SLC9B1: variants seen among roughly 807,000 people sequenced by gnomAD.
The protein encoded by SLC9B1 is solute carrier family 9 member B1.
Under a neutral mutation model 51.7 loss-of-function variants are expected in SLC9B1, and 32 were observed. That is an observed-to-expected ratio of 0.62 (90% CI 0.47 to 0.83). SLC9B1 has a LOEUF of 0.83. Among genes scored for constraint, SLC9B1 ranks in the 40% least tolerant of loss-of-function variants. SLC9B1 has a pLI of 0.00. For missense variants in SLC9B1, 406 were observed against 613.2 expected, an observed-to-expected ratio of 0.66 and a Z score of 3.57; for synonymous variants, 145 against 212.7, an observed-to-expected ratio of 0.68 and a Z score of 2.77.
At chr4:102,895,080 A>G (rs185948569) in intron 11 of SLC9B1, among the ~76,000 whole-genome samples, 2 of 152,266 alleles carry the variant, frequency 1.3e-5, no homozygotes, top group East Asian at 3.9e-4. Flanking sequence ...AATTGTTCCA[A>G]AAAAAAGACT....
At chr4:102,978,375 G>A (rs1006978707) in intron 3 of SLC9B1, among the ~76,000 whole-genome samples, 1 of 152,102 alleles carries the variant, frequency 6.6e-6, no homozygotes, top group African/African-American at 2.4e-5. Context: ...AGAGTGAACA[G>A]GCAACCTACA....
chr4:102,992,179 C>T (rs1739975782), intron 1 of SLC9B1, among the ~76,000 whole-genome samples: 2 of 151,992 alleles, frequency 1.3e-5, no homozygotes, highest in South Asian at 2.1e-4. Context: ...TTATGTGGCC[C>T]ATTTGAAGGA....
At chr4:102,980,141 T>G (rs1340958161) in intron 3 of SLC9B1, among the ~76,000 whole-genome samples, 1 of 152,164 alleles carries the variant, frequency 6.6e-6, no homozygotes, top group Non-Finnish European at 1.5e-5. Flanking sequence ...TTTTACACTG[T>G]TGGTGGGAAT....
intron 8 of SLC9B1, among the ~76,000 whole-genome samples, chr4:102,910,911 A>C (rs1385061037): frequency 6.6e-6 from 1 of 152,208 alleles, no homozygotes; most frequent in Non-Finnish European, 1.5e-5. Context: ...AATTCTTAAA[A>C]AATATTTGAA....
chr4:102,991,799 T>C, intron 1 of SLC9B1, 87 bp from the exon 2 acceptor site: 1 of 887,472 alleles, frequency 1.1e-6, no homozygotes, highest in Non-Finnish European at 1.6e-6. Flanking sequence ...GGATTAATTT[T>C]TTAAAGGATT....
chr4:102,941,705 C>G (rs1371103299), intron 6 of SLC9B1, among the ~76,000 whole-genome samples: 1 of 145,280 alleles, frequency 6.9e-6, no homozygotes, highest in Non-Finnish European at 1.5e-5. Context: ...CAGCATTATA[C>G]TGAATGGGGA....
At position 103,016,165 on chromosome 4, in the gene SLC9B1, G is replaced by A. The variant is rs575341837; in HGVS notation, c.-2+3434C>T. On this transcript the variant is annotated intron_variant, in intron 1 of 11. Coordinates refer to ENST00000296422, the MANE Select transcript of SLC9B1 (RefSeq NM_139173.4). ...AAAAAAAAAAAAAAGGAAAGTATAT[G>A]TTTATATGTTCATGTTCCTACCTAA... 4.0e-5 allele frequency among the ~76,000 whole-genome samples: 3 copies of A among 75,472 alleles called. No homozygotes were observed. The Admixed American group carries it at 4.1e-4, about 10-fold the overall frequency. 49.5% of individuals were successfully genotyped at this position (75,472 alleles called of 152,430 possible).
At chr4:102,993,882 C>T (rs1056091039) in intron 1 of SLC9B1, among the ~76,000 whole-genome samples, 1 of 152,222 alleles carries the variant, frequency 6.6e-6, no homozygotes, top group Admixed American at 6.5e-5. Flanking sequence ...CTGTACCTGG[C>T]CTCCTTTAGA....
At chr4:102,970,635 C>G (rs1416820859) in intron 3 of SLC9B1, among the ~76,000 whole-genome samples, 3 of 152,120 alleles carry the variant, frequency 2.0e-5, no homozygotes, top group Non-Finnish European at 4.4e-5. Flanking sequence ...TCACACATAA[C>G]AATATTAACC....
At chr4:102,898,353 A>C (rs1194994029), downstream of SLC9B1, 2 of 270,194 alleles carry the variant, frequency 7.4e-6, no homozygotes, top group Non-Finnish European at 1.4e-5. Flanking sequence ...TAAATTTAAA[A>C]AGGAAACTTT....
intron 3 of SLC9B1, among the ~76,000 whole-genome samples, chr4:102,979,810 C>G (rs1235364448): frequency 6.6e-6 from 1 of 152,034 alleles, no homozygotes; most frequent in Non-Finnish European, 1.5e-5. Flanking sequence ...TCTCTACAAC[C>G]TACAGAATGG....
intron 3 of SLC9B1, among the ~76,000 whole-genome samples, chr4:102,958,137 G>A (rs1193867462): frequency 3.3e-5 from 5 of 152,176 alleles, no homozygotes; most frequent in African/African-American, 1.2e-4. Context: ...AATCCCCAAT[G>A]TTGGAGATAG....
Position 102,906,505 on chromosome 4 carries a change from T to G in SLC9B1, c.1195+31A>C, listed in dbSNP as rs146491336. The stretch of plus-strand genomic sequence containing the variant: ...ATAATTTTCTTAAATATTTTTGAAT[T>G]TCATATTTTTTGTGCTCTAATTATT... On this transcript the variant is annotated intron_variant, in intron 10 of 11. Coordinates refer to ENST00000296422, the MANE Select transcript of SLC9B1 (RefSeq NM_139173.4). 9.1e-3 allele frequency: 10,002 copies of G among 1,102,216 alleles called. 491 individuals carry two copies. In the African/African-American group the frequency reaches 0.14, roughly 15 times the overall value. 68.3% of individuals were successfully genotyped at this position (1,102,216 alleles called of 1,614,324 possible).
At chr4:103,005,357 G>C (rs964745688) in intron 1 of SLC9B1, among the ~76,000 whole-genome samples, 1 of 150,982 alleles carries the variant, frequency 6.6e-6, no homozygotes, top group African/African-American at 2.4e-5. Flanking sequence ...AGATGACAAA[G>C]AAGGACATTA....
At chr4:102,917,296 T>C (rs867044405) in intron 7 of SLC9B1, among the ~76,000 whole-genome samples, 62 of 152,158 alleles carry the variant, frequency 4.1e-4, no homozygotes, top group African/African-American at 9.2e-4. Context: ...TTGGGAGCCA[T>C]GCTTTAGGCT....
chr4:103,012,105 AATTCC>A (rs1741113991), intron 1 of SLC9B1, among the ~76,000 whole-genome samples: 1 of 152,156 alleles, frequency 6.6e-6, no homozygotes, highest in South Asian at 2.1e-4. Context: ...TTTGATTATA[AATTCC>A]ATCTTGAATT....
At chr4:102,999,455 C>T (rs148355844) in intron 1 of SLC9B1, among the ~76,000 whole-genome samples, 67 of 152,152 alleles carry the variant, frequency 4.4e-4, no homozygotes, top group African/African-American at 1.6e-3. Context: ...GTTATTGTAA[C>T]CTCTTTAACT....
At chr4:102,959,067 C>T (rs1737949286) in intron 3 of SLC9B1, among the ~76,000 whole-genome samples, 1 of 152,046 alleles carries the variant, frequency 6.6e-6, no homozygotes, top group South Asian at 2.1e-4. Context: ...GCAAGTCCAA[C>T]CATATCAATA....
At chr4:102,905,995 G>A (rs1183678571) in intron 10 of SLC9B1, among the ~76,000 whole-genome samples, 1 of 151,988 alleles carries the variant, frequency 6.6e-6, no homozygotes, top group East Asian at 1.9e-4. Flanking sequence ...GAGTGCAGTG[G>A]TACAATCTCA....
Sources: allele counts gnomAD v4.1 joint callset (sites outside exome capture counted in the v4.1 genomes callset), GRCh38; gene constraint gnomAD v4.1.1; transcripts MANE v1.5; gene names NCBI Gene and HGNC (gene_info 2026-07-23, HGNC 2026-07-21).